Variants in REEP3 observed in about 807,000 individuals in gnomAD.
REEP3 encodes the protein receptor expression-enhancing protein 3.
A neutral mutation model predicts 41.3 loss-of-function variants in REEP3; 20 were observed. The observed-to-expected ratio is 0.48, with a 90% CI of 0.34 to 0.70. REEP3 has a LOEUF of 0.70. Among genes scored for constraint, REEP3 ranks in the 30% least tolerant of loss-of-function variants. The pLI is 0.01. For missense variants in REEP3, 271 were observed against 308.8 expected (o/e 0.88, Z 0.92); for synonymous variants, 104 against 101.8 (o/e 1.02, Z -0.13).
At chr10:63,534,417 A>AT (rs1406293956) in intron 1 of REEP3, among the ~76,000 whole-genome samples, 4 of 151,934 alleles carry the variant, frequency 2.6e-5, no homozygotes, top group Admixed American at 6.6e-5. Context: ...CATCCAGCTA[A>AT]TTTTTTATAT....
At chr10:63,597,389 T>G (rs942035909) in intron 3 of REEP3, among the ~76,000 whole-genome samples, 7 of 152,338 alleles carry the variant, frequency 4.6e-5, no homozygotes, top group Admixed American at 4.6e-4. Flanking sequence ...CATGCCAGTT[T>G]GGCTCTGCAG....
chr10:63,607,767 C>T (rs543173489), intron 5 of REEP3, among the ~76,000 whole-genome samples: 2 of 152,150 alleles, frequency 1.3e-5, no homozygotes. Context: ...GCAAAATATA[C>T]CTATCCCAAC....
intron 7 of REEP3, 96 bp from the exon 8 acceptor site, chr10:63,620,717 A>C: frequency 1.4e-6 from 1 of 717,558 alleles, no homozygotes; most frequent in Non-Finnish European, 2.2e-6. Context: ...TATATCAAAA[A>C]GGTAAAAAAA....
chr10:63,558,750 A>AT (rs397745241), intron 1 of REEP3, among the ~76,000 whole-genome samples: 2 of 151,954 alleles, frequency 1.3e-5, no homozygotes, highest in African/African-American at 4.8e-5. Flanking sequence ...GTCAAAAAAA[A>AT]TAAAAAATAG....
chr10:63,619,921 T>A (rs1956340744), intron 7 of REEP3, 121 bp downstream of exon 7: 16 of 527,138 alleles, frequency 3.0e-5, no homozygotes, highest in Admixed American at 4.5e-5. Context: ...CAGTTTGATT[T>A]TTTTTTTTTT....
At chr10:63,527,477 A>C (rs1391601400) in intron 1 of REEP3, among the ~76,000 whole-genome samples, 1 of 152,022 alleles carries the variant, frequency 6.6e-6, no homozygotes. Context: ...TTCCAGACCA[A>C]TCCAGGCAAC....
chr10:63,522,030 C>G (rs979043759), intron 1 of REEP3, among the ~76,000 whole-genome samples: 2 of 152,014 alleles, frequency 1.3e-5, no homozygotes, highest in Non-Finnish European at 1.5e-5. Flanking sequence ...GCGATCCTCC[C>G]GAGGATGCGA....
At chr10:63,608,937 A>G (rs921435368) in intron 5 of REEP3, among the ~76,000 whole-genome samples, 6 of 152,206 alleles carry the variant, frequency 3.9e-5, no homozygotes, top group Non-Finnish European at 7.3e-5. Flanking sequence ...CAACTTAAAT[A>G]CCCACCTGTG....
chr10:63,554,402 G>C (rs947024138), intron 1 of REEP3, among the ~76,000 whole-genome samples: 1 of 152,174 alleles, frequency 6.6e-6, no homozygotes, highest in African/African-American at 2.4e-5. Context: ...TAGTATGCCT[G>C]TGGAATTACA....
intron 1 of REEP3, among the ~76,000 whole-genome samples, chr10:63,553,868 C>T (rs761164256): frequency 1.3e-5 from 2 of 152,024 alleles, no homozygotes; most frequent in Non-Finnish European, 2.9e-5. Context: ...TTTGGGAGGC[C>T]GAGGCGGTTG....
intron 1 of REEP3, among the ~76,000 whole-genome samples, chr10:63,545,739 G>A (rs1164553322): frequency 8.0e-5 from 11 of 137,896 alleles, no homozygotes; most frequent in Admixed American, 3.9e-4. Flanking sequence ...CCACGCTGGA[G>A]TGCAGTGGCA....
intron 1 of REEP3, among the ~76,000 whole-genome samples, chr10:63,533,725 T>TTTTTTTTTTTTTTTTTTTTTTTA (rs1589857082): frequency 7.0e-6 from 1 of 143,684 alleles, no homozygotes; most frequent in Admixed American, 7.0e-5. Flanking sequence ...TTTTTTTTTT[T>TTTTTTTTTTTTTTTTTTTTTTTA]GAGACGGAGT....
intron 1 of REEP3, chr10:63,562,430 T>C (rs1955749681): frequency 2.6e-6 from 1 of 379,108 alleles, no homozygotes; most frequent in Non-Finnish European, 5.2e-6. Context: ...CTAATTTTTG[T>C]ATTTTTAGTA....
At position 63,543,614 on chromosome 10, in the gene REEP3, C is replaced by T. The variant is rs1036250174; in HGVS notation, c.32+22037C>T. Among the ~76,000 whole-genome samples, 4 of 152,258 alleles carry T rather than the reference C, an allele frequency of 2.6e-5. No individual in the cohort carries two copies. The East Asian group carries it at 7.7e-4, about 29-fold the overall frequency. Reference sequence around the variant, plus strand: ...TCTCAACTTACGTAAATTGTGTGTACAGAAGATTCAGTTCTGCCTTCCTAT... The same window carrying T: ...TCTCAACTTACGTAAATTGTGTGTATAGAAGATTCAGTTCTGCCTTCCTAT... On this transcript the variant is annotated intron_variant, in intron 1 of 7. Coordinates refer to ENST00000373758, the MANE Select transcript of REEP3 (RefSeq NM_001001330.3).
chr10:63,528,350 T>C (rs1955386313), intron 1 of REEP3, among the ~76,000 whole-genome samples: 1 of 152,128 alleles, frequency 6.6e-6, no homozygotes, highest in African/African-American at 2.4e-5. Flanking sequence ...GATCATACCA[T>C]CCTTGATTCC....
rs1459113177 is a variant in REEP3 at position 63,623,777 on chromosome 10, G to GTGTA, written c.*2911_*2912insATGT. 1.3e-5 allele frequency: 2 copies of GTGTA among 153,142 alleles called. No individual in the cohort carries two copies. The highest frequency in any genetic ancestry group is 6.6e-5 in the Admixed American group (1 of 15,192). 9.5% of individuals were successfully genotyped at this position (153,142 alleles called of 1,614,324 possible). A position where few individuals can be genotyped will look rare whatever the true frequency, so the allele number is the denominator to read the frequency against. On this transcript the variant is annotated 3_prime_UTR_variant, in exon 8 of 8. Coordinates refer to ENST00000373758, the MANE Select transcript of REEP3 (RefSeq NM_001001330.3). Reference sequence around the variant, plus strand: ...TATATGTGTGTGTGTGTGTGTGTGTGTGTGTGTGTGTGTGTGTGTGTATTT... The same window carrying GTGTA: ...TATATGTGTGTGTGTGTGTGTGTGTGTGTATGTGTGTGTGTGTGTGTGTGTATTT...
chr10:63,592,623 G>C (rs1956074998), intron 2 of REEP3, among the ~76,000 whole-genome samples: 1 of 152,166 alleles, frequency 6.6e-6, no homozygotes, highest in Non-Finnish European at 1.5e-5. Flanking sequence ...GGGCGCGGTG[G>C]CTCATGCCTG....
intron 1 of REEP3, among the ~76,000 whole-genome samples, chr10:63,565,999 C>T (rs951322979): frequency 2.6e-5 from 4 of 151,592 alleles, no homozygotes; most frequent in Admixed American, 1.3e-4. Context: ...ATTCTCCTGC[C>T]TCAGCCTCCC....
intron 2 of REEP3, among the ~76,000 whole-genome samples, chr10:63,580,268 TG>T (rs1955939834): frequency 6.6e-6 from 1 of 152,048 alleles, no homozygotes; most frequent in Non-Finnish European, 1.5e-5. Flanking sequence ...CCTCAGTAGC[TG>T]GGACTCCAGA....
Sources: allele counts gnomAD v4.1 joint callset (sites outside exome capture counted in the v4.1 genomes callset), GRCh38; gene constraint gnomAD v4.1.1; transcripts MANE v1.5; gene names NCBI Gene and HGNC (gene_info 2026-07-23, HGNC 2026-07-21).